The following EIF2S3B variants were observed in gnomAD, a reference collection of about 807,000 sequenced individuals.
EIF2S3B encodes the protein eukaryotic translation initiation factor 2 subunit gamma B, also known as eukaryotic translation initiation factor 2 subunit 3B.
A neutral mutation model predicts 26.4 loss-of-function variants in EIF2S3B; 16 were observed. The observed-to-expected ratio is 0.61, with a 90% confidence interval of 0.41 to 0.92. The LOEUF (loss-of-function observed/expected upper bound fraction) is 0.92, where lower values mean the gene tolerates loss of function less well. Among genes scored for constraint, EIF2S3B ranks in the 40% least tolerant of loss-of-function variants. The probability of loss-of-function intolerance (pLI) is 0.00; values close to 1 mark genes in which losing one functional copy is unlikely to be tolerated. For synonymous variants in EIF2S3B, 183 were observed against 204.4 expected, an observed-to-expected ratio of 0.90 and a Z score of 0.89; for missense variants, 510 against 575.5, an observed-to-expected ratio of 0.89 and a Z score of 1.16.
chr12:10,519,431 T>C (rs1421704498), intron 1 of EIF2S3B, among the ~76,000 whole-genome samples: 1 of 151,816 alleles, frequency 6.6e-6, no homozygotes, highest in Non-Finnish European at 1.5e-5. Flanking sequence ...GGCATTACCA[T>C]TCAGGACATA....
intron 1 of EIF2S3B, among the ~76,000 whole-genome samples, chr12:10,516,447 A>G (rs1864758408): frequency 6.6e-6 from 1 of 151,880 alleles, no homozygotes; most frequent in African/African-American, 2.4e-5. Context: ...TTAGAGCAAA[A>G]TGAATATTTA....
intron 1 of EIF2S3B, among the ~76,000 whole-genome samples, chr12:10,514,080 A>T (rs1226331093): frequency 6.6e-6 from 1 of 152,132 alleles, no homozygotes; most frequent in Non-Finnish European, 1.5e-5. Context: ...AATGCTTGGT[A>T]AATTTTTTTT....
downstream of EIF2S3B, among the ~76,000 whole-genome samples, chr12:10,512,467 CAG>C (rs1216600508): frequency 6.6e-6 from 1 of 152,158 alleles, no homozygotes; most frequent in Non-Finnish European, 1.5e-5. Flanking sequence ...CTCAATTCAA[CAG>C]ATATTTCTAT....
At chr12:10,519,203 C>T (rs1456794483) in intron 1 of EIF2S3B, among the ~76,000 whole-genome samples, 26 of 152,080 alleles carry the variant, frequency 1.7e-4, no homozygotes, top group African/African-American at 9.7e-5. Context: ...GAAATAACGC[C>T]GCTTATCTAC....
intron 1 of EIF2S3B, among the ~76,000 whole-genome samples, chr12:10,519,744 A>C (rs1186940397): frequency 1.3e-5 from 2 of 151,966 alleles, no homozygotes; most frequent in African/African-American, 4.8e-5. Flanking sequence ...ATGCAGCCAA[A>C]AAACACATGA....
In EIF2S3B at chr12:10,506,637, ACCC is replaced by A. The variant is rs1565526096; in HGVS notation, c.738_740del (p.Pro247del). 6.2e-7 allele frequency: 1 copy of A among 1,612,704 alleles called. No individual in the cohort carries two copies. Among genetic ancestry groups the A allele is most frequent in the African/African-American group, 1.3e-5 (1 of 74,856 alleles). ...AGTACATAGTAAAGAAAATTCCAGT[ACCC>A]CCAAGAGACTTTACTTCAGAGCCCC... On this transcript the variant is annotated inframe_deletion, in exon 1 of 1. Coordinates refer to ENST00000538173, the MANE Select transcript of EIF2S3B (RefSeq NM_001357734.3).
rs777425236 is a variant in EIF2S3B, at chr12:10,507,752, G to A, written c.*431G>A. Among the ~76,000 whole-genome samples the A allele has an allele frequency of 1.8e-4, 27 of 152,006 alleles. 1 individual carries two copies. Among genetic ancestry groups the A allele is most frequent in the Non-Finnish European group, 4.4e-5 (3 of 68,002 alleles). On this transcript the variant is annotated 3_prime_UTR_variant, in exon 1 of 1. Coordinates refer to ENST00000538173, the MANE Select transcript of EIF2S3B (RefSeq NM_001357734.3). ...AGATTACAGGTGTGTGCCACCACACGGGGCTAATTTTTGTATTAGTAGAGA... is the reference window on the plus strand; with the variant it reads ...AGATTACAGGTGTGTGCCACCACACAGGGCTAATTTTTGTATTAGTAGAGA...
chr12:10,506,859 T>G lies in EIF2S3B; in HGVS notation c.957T>G (p.Val319=). 1 of 1,613,698 alleles carries G rather than the reference T, an allele frequency of 6.2e-7. No individual in the cohort carries two copies. The highest frequency in any genetic ancestry group is 8.5e-7 in the Non-Finnish European group (1 of 1,179,574). Residue 319 remains valine (V), a synonymous_variant, in exon 1 of 1, where the codon GTT becomes GTG. Transcript: ENST00000538173. ...GTAAATCAATCTTTTCCAAAATTGT[T>G]TCACTTTTTGCGGAGCATAATGATC... The part of the protein sequence containing the change: ...LMCKSIFSKI[V]SLFAEHNDLQ...
intron 1 of EIF2S3B, among the ~76,000 whole-genome samples, chr12:10,520,901 T>C (rs1182226316): frequency 3.3e-5 from 5 of 152,110 alleles, no homozygotes; most frequent in African/African-American, 1.2e-4. Flanking sequence ...TATCAGAAAA[T>C]ATGATTTTGT....
chr12:10,521,932 G>A (rs1035694661), intron 1 of EIF2S3B, among the ~76,000 whole-genome samples: 4 of 152,092 alleles, frequency 2.6e-5, no homozygotes, highest in East Asian at 1.9e-4. Context: ...CAAATTAATC[G>A]TATGGCCTTA....
At position 10,507,200 on chromosome 12, in the gene EIF2S3B, T is replaced by C. The variant is rs57965252; in HGVS notation, c.1298T>C (p.Val433Ala). The part of the protein sequence containing the change: ...DLGKIVLTNP[V>A]CTEVGEKIAL... ...GGCAAAATTGTTTTGACCAATCCAG[T>C]GTGCACAGAGGTAGGAGAAAAAATT... The change falls in exon 1 of 1, where the codon GTG becomes GCG. Residue 433 changes from valine to alanine, a missense_variant. Val to Ala is a moderately conservative substitution (Grantham distance 64). Coordinates refer to ENST00000538173, the MANE Select transcript of EIF2S3B (RefSeq NM_001357734.3). 7.5e-3 allele frequency: 12,111 copies of C among 1,613,830 alleles called. 736 individuals carry two copies. In the African/African-American group the frequency reaches 0.14, roughly 18 times the overall value.
chr12:10,508,525 C>CAATAAAAAAA (rs1864671272), downstream of EIF2S3B, among the ~76,000 whole-genome samples: 1 of 62,970 alleles, frequency 1.6e-5, no homozygotes, highest in African/African-American at 5.5e-5. Flanking sequence ...TGTTAGAAAG[C>CAATAAAAAAA]AAAAAAAAAA....
Position 10,508,295 on chromosome 12 carries a change from C to G in EIF2S3B, c.*974C>G, listed in dbSNP as rs1591633482. On this transcript the variant is annotated 3_prime_UTR_variant, in exon 1 of 1. Transcript: ENST00000538173. ...AACTAGAGTCAGAAGTTATCTCCCT[C>G]TCCCTGTGATGCCTTGAGATGTTTT... 6.6e-6 allele frequency among the ~76,000 whole-genome samples: 1 copy of G among 152,238 alleles called. No homozygotes were observed. Among genetic ancestry groups the G allele is most frequent in the South Asian group, 2.1e-4 (1 of 4,820 alleles).
downstream of EIF2S3B, among the ~76,000 whole-genome samples, chr12:10,511,733 G>T (rs7136822): frequency 0.99 from 150,485 of 152,298 alleles, 74,363 homozygotes; most frequent in Middle Eastern, 1. Flanking sequence ...TCTCTATGTT[G>T]AAGTTTATAA....
At chr12:10,518,060 T>A (rs1864782665) in intron 1 of EIF2S3B, among the ~76,000 whole-genome samples, 1 of 151,918 alleles carries the variant, frequency 6.6e-6, no homozygotes, top group Non-Finnish European at 1.5e-5. Context: ...ATAGGTGTGG[T>A]GTGGTGCTGA....
rs930781540 is a variant in EIF2S3B, at chr12:10,519,159, C to A, written c.1309-3444C>A. On this transcript the variant is annotated intron_variant, in intron 1 of 1. Transcript: ENST00000322446. ...CAGCATGGTACTGGTACCAAAACAG[C>A]GATATAGATCAATGTAACAGAACAG... Among the ~76,000 whole-genome samples the A allele has an allele frequency of 8.8e-3, 1,333 of 151,540 alleles. 18 individuals carry two copies. The highest frequency in any genetic ancestry group is 0.029 in the African/African-American group (1,198 of 41,004).
chr12:10,511,929 A>T (rs1864708959), downstream of EIF2S3B, among the ~76,000 whole-genome samples: 1 of 152,206 alleles, frequency 6.6e-6, no homozygotes, highest in Non-Finnish European at 1.5e-5. Flanking sequence ...AAGAGTTTTT[A>T]TTTACAATTC....
At chr12:10,521,682 G>A (rs1409559757) in intron 1 of EIF2S3B, among the ~76,000 whole-genome samples, 1 of 152,160 alleles carries the variant, frequency 6.6e-6, no homozygotes, top group Non-Finnish European at 1.5e-5. Context: ...AAGGGTGTAA[G>A]GAAAGAGATG....
exon 2 of EIF2S3B, chr12:10,522,696 G>A (rs10845155): frequency 0.22 from 152,138 of 687,022 alleles, 18,235 homozygotes; most frequent in Middle Eastern, 0.25. Context: ...AAACTTCTAG[G>A]AAATCATTTC....
Sources: gnomAD v4.1 joint callset for allele counts (sites outside exome capture counted in the v4.1 genomes callset) on GRCh38, gnomAD v4.1.1 for gene constraint, MANE v1.5 for transcripts, NCBI Gene and HGNC (gene_info 2026-07-23, HGNC 2026-07-21) for gene names.